Variants in AK5 observed in about 807,000 individuals in gnomAD.
AK5 encodes the protein adenylate kinase isoenzyme 5.
A neutral mutation model predicts 69.5 loss-of-function variants in AK5; 27 were observed. The observed-to-expected ratio is 0.39, with a 90% CI of 0.29 to 0.54. The LOEUF is 0.54. AK5 is among the 20% of genes least tolerant of loss of function. AK5 has a pLI of 0.71. For missense variants in AK5, 531 were observed against 700.4 expected (o/e 0.76, Z 2.73); for synonymous variants, 260 against 244.4 (o/e 1.06, Z -0.60).
At chr1:77,370,587 A>C (rs2100474116) in intron 6 of AK5, among the ~76,000 whole-genome samples, 1 of 152,334 alleles carries the variant, frequency 6.6e-6, no homozygotes, top group Non-Finnish European at 1.5e-5. Flanking sequence ...GAGATGGATC[A>C]GGATTCTCAA....
intron 6 of AK5, among the ~76,000 whole-genome samples, chr1:77,370,133 G>A (rs1647092286): frequency 6.6e-6 from 1 of 152,166 alleles, no homozygotes; most frequent in South Asian, 2.1e-4. Flanking sequence ...GAGCCTGGGA[G>A]TAGAGACTAG....
At chr1:77,398,335 C>T (rs1241536386) in intron 6 of AK5, among the ~76,000 whole-genome samples, 3 of 151,914 alleles carry the variant, frequency 2.0e-5, no homozygotes, top group African/African-American at 4.8e-5. Flanking sequence ...GGGAGACACT[C>T]GAGCATTAAA....
Position 77,340,543 on chromosome 1 carries a change from T to TC in AK5, c.868dup (p.Gln290ProfsTer10). The TC allele has an allele frequency of 6.2e-7, 1 of 1,613,954 alleles. No homozygotes were observed. ...AATGCTGCTCCATTGGTTAAATACT[T>TC]CCAGGAAAAGGGGCTCATCATGACA... On this transcript the variant is annotated frameshift_variant, in exon 6 of 14. Transcript: ENST00000354567. LOFTEE classifies it high-confidence loss of function.
chr1:77,331,190 C>A (rs982063466), intron 5 of AK5, among the ~76,000 whole-genome samples: 13 of 151,914 alleles, frequency 8.6e-5, no homozygotes, highest in Non-Finnish European at 7.4e-5. Flanking sequence ...TTCTTTCTTT[C>A]CAAACTTGTG....
At chr1:77,415,588 T>A (rs1432283174) in intron 7 of AK5, among the ~76,000 whole-genome samples, 2 of 152,208 alleles carry the variant, frequency 1.3e-5, no homozygotes, top group Non-Finnish European at 2.9e-5. Flanking sequence ...GCATTGATTG[T>A]TACCAGCTTG....
chr1:77,337,537 T>A (rs1661425643), intron 5 of AK5, among the ~76,000 whole-genome samples: 2 of 152,148 alleles, frequency 1.3e-5, no homozygotes, highest in South Asian at 4.1e-4. Flanking sequence ...ATATCTTTTA[T>A]TATAGTGGCT....
chr1:77,324,500 G>T (rs1660695793), intron 5 of AK5, among the ~76,000 whole-genome samples: 1 of 152,132 alleles, frequency 6.6e-6, no homozygotes, highest in African/African-American at 2.4e-5. Context: ...AACCCAGTAT[G>T]CTGAGAAGGA....
At chr1:77,433,852 T>A (rs1363305503) in intron 8 of AK5, among the ~76,000 whole-genome samples, 1 of 151,930 alleles carries the variant, frequency 6.6e-6, no homozygotes, top group Non-Finnish European at 1.5e-5. Flanking sequence ...ATTAGTTTCA[T>A]AAATTTATTA....
intron 5 of AK5, among the ~76,000 whole-genome samples, chr1:77,313,009 A>G (rs143282666): frequency 1.3e-5 from 2 of 152,094 alleles, no homozygotes; most frequent in Non-Finnish European, 1.5e-5. Flanking sequence ...TGTGACCCCA[A>G]ATGTTGCAAA....
intron 6 of AK5, among the ~76,000 whole-genome samples, chr1:77,368,284 T>C (rs370927638): frequency 9.1e-5 from 9 of 98,988 alleles, no homozygotes; most frequent in Non-Finnish European, 1.6e-4. Context: ...TTATATATGT[T>C]ATATATATGT....
chr1:77,540,418 G>T (rs957836179), intron 13 of AK5: 2 of 152,186 alleles, frequency 1.3e-5, no homozygotes, highest in Non-Finnish European at 2.9e-5. Context: ...GGCAGCGTTC[G>T]CCAGTCATGG....
At position 77,353,015 on chromosome 1, in the gene AK5, G is replaced by C. The variant is rs79983554; in HGVS notation, c.891+12447G>C. Among the ~76,000 whole-genome samples the C allele has an allele frequency of 5.0e-3, 763 of 152,038 alleles. 22 individuals are homozygous for C. Among genetic ancestry groups the C allele is most frequent in the Admixed American group, 0.039 (596 of 15,272 alleles). On this transcript the variant is annotated intron_variant, in intron 6 of 13. Transcript: ENST00000354567. ...ATCTTCTCAGAGATTCTTCAAGTCTGGTCTCCATTTTAATTTACCTTTACA... is the reference window on the plus strand; with the variant it reads ...ATCTTCTCAGAGATTCTTCAAGTCTCGTCTCCATTTTAATTTACCTTTACA...
chr1:77,523,737 T>A (rs2647492), intron 12 of AK5, among the ~76,000 whole-genome samples: 130,301 of 151,882 alleles, frequency 0.86, 55,971 homozygotes, highest in East Asian at 1. Context: ...CAGTGGTGCA[T>A]TCATAGCTCA....
At chr1:77,498,446 A>G (rs1270620072) in intron 10 of AK5, among the ~76,000 whole-genome samples, 1 of 152,206 alleles carries the variant, frequency 6.6e-6, no homozygotes, top group Non-Finnish European at 1.5e-5. Context: ...GGTCATTTTT[A>G]TAAAGAGGGA....
rs74090450 is a variant in AK5, at chr1:77,298,084, G to T, written c.699+137G>T. 2.9e-3 allele frequency: 1,446 copies of T among 502,488 alleles called. 16 individuals are homozygous for T. Among genetic ancestry groups the T allele is most frequent in the African/African-American group, 0.026 (1,318 of 51,116 alleles). The allele number at this position is 502,488 out of a possible 1,614,324, so 31.1% of individuals were successfully genotyped here. On this transcript the variant is annotated intron_variant, in intron 5 of 13. Transcript: ENST00000354567. ...TGAAAACAGGCAAATACATCAGTAT[G>T]GGTTGGCAGAAGGTCATTTCTTTGG...
chr1:77,449,516 C>A (rs553021821), intron 8 of AK5, among the ~76,000 whole-genome samples: 28 of 152,318 alleles, frequency 1.8e-4, no homozygotes, highest in Admixed American at 1.7e-3. Flanking sequence ...GCAGAAGGGA[C>A]TTGCCTTGTC....
At chr1:77,510,697 A>G (rs1044668406) in intron 10 of AK5, among the ~76,000 whole-genome samples, 6 of 152,098 alleles carry the variant, frequency 3.9e-5, no homozygotes, top group African/African-American at 1.4e-4. Flanking sequence ...TTCTTGGAAC[A>G]GGCAGGAGAG....
chr1:77,306,137 G>A (rs1017277270), intron 5 of AK5, among the ~76,000 whole-genome samples: 1 of 152,134 alleles, frequency 6.6e-6, no homozygotes, highest in African/African-American at 2.4e-5. Flanking sequence ...GATGGTGACA[G>A]TAGGCATCCT....
chr1:77,303,517 T>A (rs1380033425), intron 5 of AK5, among the ~76,000 whole-genome samples: 1 of 152,256 alleles, frequency 6.6e-6, no homozygotes, highest in Non-Finnish European at 1.5e-5. Flanking sequence ...TTCTAGCTAA[T>A]AGAAGAGAGT....
Sources: allele counts gnomAD v4.1 joint callset (sites outside exome capture counted in the v4.1 genomes callset), GRCh38; gene constraint gnomAD v4.1.1; transcripts MANE v1.5; gene names NCBI Gene and HGNC (gene_info 2026-07-23, HGNC 2026-07-21).